The following TMED3 variants were observed in gnomAD, a reference collection of about 807,000 sequenced individuals.
TMED3 encodes the protein transmembrane p24 trafficking protein 3.
A neutral mutation model predicts 15.0 loss-of-function variants in TMED3; 9 were observed. The observed-to-expected ratio is 0.60, with a 90% CI of 0.36 to 1.04. TMED3 has a LOEUF of 1.04. Ranked by LOEUF, TMED3 falls within the 50% of genes least tolerant of loss-of-function variation. The probability of loss-of-function intolerance (pLI) is 0.01; values close to 1 mark genes in which losing one functional copy is unlikely to be tolerated. For synonymous variants in TMED3, 117 were observed against 121.4 expected (o/e 0.96, Z 0.24); for missense variants, 267 against 278.9 (o/e 0.96, Z 0.30).
intron 2 of TMED3, among the ~76,000 whole-genome samples, chr15:79,361,291 T>C (rs1292391052): frequency 1.3e-5 from 2 of 152,266 alleles, no homozygotes; most frequent in African/African-American, 4.8e-5. Flanking sequence ...ATAAGAATGA[T>C]AAAACTTATC....
intron 2 of TMED3, among the ~76,000 whole-genome samples, chr15:79,401,171 G>A (rs1243177638): frequency 6.6e-6 from 1 of 152,094 alleles, no homozygotes; most frequent in East Asian, 1.9e-4. Context: ...ACACAGAATA[G>A]GCACTCAATA....
exon 3 of TMED3, chr15:79,412,549 C>T (rs1042759183): frequency 6.6e-5 from 10 of 152,388 alleles, no homozygotes; most frequent in African/African-American, 2.2e-4. Context: ...GCCAGTCTCC[C>T]GCTCCCATGC....
At chr15:79,333,559 T>C (rs1013017566) in intron 2 of TMED3, among the ~76,000 whole-genome samples, 1 of 152,226 alleles carries the variant, frequency 6.6e-6, no homozygotes, top group African/African-American at 2.4e-5. Context: ...TATTTGACCA[T>C]AGGAAGAAAT....
At position 79,311,352 on chromosome 15, in the gene TMED3, G is replaced by C. The variant is rs768258623; in HGVS notation, c.103G>C (p.Asp35His). ...GGCCGAGCTCACCTTCGAGCTGCCG[G>C]ACAACGCCAAGCAGTGCTTCCACGA... ...CGAELTFELP[D>H]NAKQCFHEEV... The change falls in exon 1 of 3, where the codon GAC becomes CAC. Residue 35 changes from aspartate to histidine, a missense_variant. Asp to His is a moderately conservative substitution (Grantham distance 81). Transcript: ENST00000299705. The C allele has an allele frequency of 6.8e-6, 11 of 1,611,860 alleles. No individual in the cohort carries two copies. In the Admixed American group the frequency reaches 1.3e-4, roughly 20 times the overall value.
rs1358251335 is a variant in TMED3, at chr15:79,405,985, A to C, written c.418-5415A>C. Among the ~76,000 whole-genome samples, 5 of 152,276 alleles carry C rather than the reference A, an allele frequency of 3.3e-5. No individual in the cohort carries two copies. In the East Asian group the frequency reaches 5.8e-4, roughly 18 times the overall value. ...AGTCCTAGAGCCTGAGGCTGTGTTT[A>C]TTTCTTTCAGTAAAGATACTATATC... On this transcript the variant is annotated intron_variant, in intron 2 of 2. Coordinates refer to the TMED3 transcript ENST00000424155.
At chr15:79,366,179 A>C (rs886948678) in intron 2 of TMED3, among the ~76,000 whole-genome samples, 2 of 152,156 alleles carry the variant, frequency 1.3e-5, no homozygotes, top group African/African-American at 4.8e-5. Flanking sequence ...ACCTAGGTTG[A>C]TGGAAGAATG....
chr15:79,379,326 T>C (rs1893480328), intron 2 of TMED3, among the ~76,000 whole-genome samples: 2 of 152,220 alleles, frequency 1.3e-5, no homozygotes, highest in Admixed American at 6.5e-5. Context: ...ATGGAAAATA[T>C]CTTCTATATA....
chr15:79,371,254 T>C lies in TMED3; in HGVS notation c.418-40146T>C, dbSNP rs543851298. Among the ~76,000 whole-genome samples, 6 of 152,338 alleles carry C rather than the reference T, an allele frequency of 3.9e-5. No homozygotes were observed. The South Asian group carries it at 1.2e-3, about 32-fold the overall frequency. Reference sequence around the variant, plus strand: ...GTTTAGATGACATGATGTATACCAATGAGTTTTATATCTAAATCTCTAAAG... The same window carrying C: ...GTTTAGATGACATGATGTATACCAACGAGTTTTATATCTAAATCTCTAAAG... On this transcript the variant is annotated intron_variant, in intron 2 of 2. Coordinates refer to the TMED3 transcript ENST00000424155.
exon 3 of TMED3, chr15:79,411,546 GAC>G (rs1322824965): frequency 1.4e-6 from 1 of 699,998 alleles, no homozygotes; most frequent in South Asian, 1.5e-5. Context: ...ATGGAGGGAA[GAC>G]ACAGAAGCTA....
downstream of TMED3, among the ~76,000 whole-genome samples, chr15:79,325,973 G>A (rs559075019): frequency 4.1e-4 from 62 of 152,216 alleles, no homozygotes; most frequent in African/African-American, 1.5e-3. Context: ...AGTCCATTGA[G>A]TCAAATGTTA....
At chr15:79,365,359 G>T (rs1893211926) in intron 2 of TMED3, among the ~76,000 whole-genome samples, 1 of 152,160 alleles carries the variant, frequency 6.6e-6, no homozygotes, top group South Asian at 2.1e-4. Flanking sequence ...CCTCCTCCAG[G>T]CCCCTCAGGA....
intron 2 of TMED3, among the ~76,000 whole-genome samples, chr15:79,399,719 TG>T (rs1282219333): frequency 6.6e-6 from 1 of 152,252 alleles, no homozygotes. Context: ...AACATTCCTC[TG>T]ATTCATTACT....
rs542248171 is a variant in TMED3, at chr15:79,352,178, C to T, written c.417+38173C>T. 5.9e-5 allele frequency among the ~76,000 whole-genome samples: 9 copies of T among 152,186 alleles called. No homozygotes were observed. In the South Asian group the frequency reaches 1.9e-3, roughly 32 times the overall value. On this transcript the variant is annotated intron_variant, in intron 2 of 2. Coordinates refer to the TMED3 transcript ENST00000424155. ...AGAAATCACCACTAAAGAACTTATT[C>T]ATGTAACCAAACACCACCTGTTCCC... is the stretch of plus-strand genomic sequence containing the variant.
intron 2 of TMED3, among the ~76,000 whole-genome samples, chr15:79,317,203 T>C (rs959429342): frequency 6.6e-6 from 1 of 152,220 alleles, no homozygotes; most frequent in Non-Finnish European, 1.5e-5. Context: ...CCACGAGGCC[T>C]CTTCATGCAG....
intron 2 of TMED3, among the ~76,000 whole-genome samples, chr15:79,402,359 G>A (rs973028842): frequency 1.3e-5 from 2 of 152,208 alleles, no homozygotes; most frequent in Admixed American, 6.5e-5. Context: ...TCCCACATGT[G>A]GCTCATGCTG....
intron 1 of TMED3, among the ~76,000 whole-genome samples, chr15:79,312,000 T>C (rs928858300): frequency 2.6e-5 from 4 of 152,212 alleles, no homozygotes; most frequent in African/African-American, 9.6e-5. Flanking sequence ...GCTCTTGCCA[T>C]ATGGCTTAGA....
chr15:79,383,000 A>T (rs922734209), intron 2 of TMED3: 2 of 1,535,436 alleles, frequency 1.3e-6, no homozygotes, highest in Non-Finnish European at 1.7e-6. Flanking sequence ...CAACGCCACC[A>T]CTAAGGGTTC....
At chr15:79,383,169 CA>C (rs1893566220) in intron 2 of TMED3, 2 of 714,374 alleles carry the variant, frequency 2.8e-6, no homozygotes. Context: ...TCACCTGCAC[CA>C]GTTATTGCTT....
chr15:79,395,536 T>A (rs1167881517), intron 2 of TMED3, among the ~76,000 whole-genome samples: 1 of 151,554 alleles, frequency 6.6e-6, no homozygotes, highest in South Asian at 2.1e-4. Context: ...AACTACACTT[T>A]AAAAAAAAAG....
Sources: gnomAD v4.1 joint callset for allele counts (sites outside exome capture counted in the v4.1 genomes callset) on GRCh38, gnomAD v4.1.1 for gene constraint, MANE v1.5 for transcripts, NCBI Gene and HGNC (gene_info 2026-07-23, HGNC 2026-07-21) for gene names.